RUNX1: variants seen among roughly 807,000 people sequenced by gnomAD.
The protein encoded by RUNX1 is RUNX family transcription factor 1.
In RUNX1, 19 loss-of-function variants were observed where a neutral mutation model predicts 42.8. That is an observed-to-expected ratio of 0.44 (90% CI 0.31 to 0.65). The LOEUF is 0.65. Among genes scored for constraint, RUNX1 ranks in the 30% least tolerant of loss-of-function variants. The pLI is 0.07. For synonymous variants in RUNX1, 271 were observed against 289.4 expected (o/e 0.94, Z 0.64); for missense variants, 528 against 672.0 (o/e 0.79, Z 2.37).
intron 2 of RUNX1, among the ~76,000 whole-genome samples, chr21:34,980,900 G>T (rs990824027): frequency 1.3e-5 from 2 of 152,198 alleles, no homozygotes; most frequent in Admixed American, 6.5e-5. Flanking sequence ...TTTCAGCTGT[G>T]CCCAGAAATA....
chr21:34,858,153 T>G (rs1217991152), intron 6 of RUNX1, among the ~76,000 whole-genome samples: 3 of 152,200 alleles, frequency 2.0e-5, no homozygotes, highest in Admixed American at 6.5e-5. Context: ...TTTGGGAAAG[T>G]TGATGCAGCT....
Position 34,790,440 on chromosome 21 carries a change from T to C in RUNX1, c.*1695A>G, listed in dbSNP as rs1047885165. On this transcript the variant is annotated 3_prime_UTR_variant, in exon 9 of 9. Transcript: ENST00000675419. Reference sequence around the variant, plus strand: ...GTACGTTAAATAACCACCAGATCATTTGGAGCACACATGTGTCAAAATCAG... The same window carrying C: ...GTACGTTAAATAACCACCAGATCATCTGGAGCACACATGTGTCAAAATCAG... 4.3e-6 allele frequency: 1 copy of C among 233,752 alleles called. No individual in the cohort carries two copies. 14.5% of individuals were successfully genotyped at this position (233,752 alleles called of 1,614,324 possible).
chr21:35,021,493 C>T (rs974128815), intron 2 of RUNX1, among the ~76,000 whole-genome samples: 2 of 152,322 alleles, frequency 1.3e-5, no homozygotes, highest in Admixed American at 6.5e-5. Context: ...GAGCACTATG[C>T]GTGTGCACAT....
chr21:34,990,175 C>A (rs1737714005), intron 2 of RUNX1, among the ~76,000 whole-genome samples: 1 of 152,212 alleles, frequency 6.6e-6, no homozygotes, highest in Admixed American at 6.5e-5. Flanking sequence ...CATTCAGAGA[C>A]CCCTGACCAC....
chr21:34,855,399 A>T (rs962385180), intron 6 of RUNX1, among the ~76,000 whole-genome samples: 2 of 152,156 alleles, frequency 1.3e-5, no homozygotes, highest in African/African-American at 4.8e-5. Flanking sequence ...GAAATATAAA[A>T]CATACATTAA....
chr21:35,007,483 C>T (rs775987813), intron 2 of RUNX1, among the ~76,000 whole-genome samples: 1 of 152,196 alleles, frequency 6.6e-6, no homozygotes, highest in Non-Finnish European at 1.5e-5. Context: ...GGTGACCCGC[C>T]GTCCTTTGGA....
chr21:34,979,124 G>T (rs2058826947), intron 2 of RUNX1, among the ~76,000 whole-genome samples: 1 of 152,164 alleles, frequency 6.6e-6, no homozygotes, highest in Non-Finnish European at 1.5e-5. Context: ...AGCTGACTGG[G>T]AACTGTCAAG....
intron 6 of RUNX1, among the ~76,000 whole-genome samples, chr21:34,852,039 A>G (rs1023032529): frequency 6.6e-6 from 1 of 152,096 alleles, no homozygotes; most frequent in East Asian, 1.9e-4. Flanking sequence ...GTGGTGGCAC[A>G]CACCTGTAGT....
At chr21:34,873,492 C>T (rs903921240) in intron 5 of RUNX1, among the ~76,000 whole-genome samples, 17 of 152,256 alleles carry the variant, frequency 1.1e-4, no homozygotes, top group Admixed American at 1.3e-4. Context: ...AATGTACTTA[C>T]ATCTTCTTTG....
chr21:34,826,434 C>CTTT lies in RUNX1; in HGVS notation c.805+7973_805+7975dup, dbSNP rs772880673. Among the ~76,000 whole-genome samples the CTTT allele has an allele frequency of 2.8e-3, 300 of 105,304 alleles. 3 individuals carry two copies. The highest frequency in any genetic ancestry group is 3.9e-3 in the Non-Finnish European group (215 of 55,156). The allele number at this position is 105,304 out of a possible 152,430, so 69.1% of individuals were successfully genotyped here. A position where few individuals can be genotyped will look rare whatever the true frequency, so the allele number is the denominator to read the frequency against. On this transcript the variant is annotated intron_variant, in intron 7 of 8. Coordinates refer to ENST00000675419, the MANE Select transcript of RUNX1 (RefSeq NM_001754.5). The stretch of plus-strand genomic sequence containing the variant: ...TAAATTTCTTTTGTTTTCTTTCTTT[C>CTTT]TTTTTTTTTTTTTTTTTTTTTGAGA...
intron 2 of RUNX1, chr21:35,038,811 G>A (rs1349218693): frequency 2.2e-6 from 1 of 450,980 alleles, no homozygotes; most frequent in African/African-American, 2.0e-5. Context: ...TTCCAGAGCT[G>A]AAGCCTGGCA....
chr21:34,896,372 GAATAAGT>G (rs2058130080), intron 2 of RUNX1, among the ~76,000 whole-genome samples: 1 of 152,058 alleles, frequency 6.6e-6, no homozygotes, highest in Non-Finnish European at 1.5e-5. Flanking sequence ...AAAGAGGAGA[GAATAAGT>G]AATAAGAGTA....
At chr21:34,902,148 T>A (rs1276195817) in intron 2 of RUNX1, among the ~76,000 whole-genome samples, 1 of 152,178 alleles carries the variant, frequency 6.6e-6, no homozygotes, top group East Asian at 1.9e-4. Flanking sequence ...ACAGAATCAT[T>A]TATTTGGATT....
At chr21:35,036,731 A>G (rs1453709385) in intron 2 of RUNX1, among the ~76,000 whole-genome samples, 3 of 152,216 alleles carry the variant, frequency 2.0e-5, no homozygotes, top group African/African-American at 7.2e-5. Context: ...TTGTTATGCC[A>G]CTGACACTTA....
intron 2 of RUNX1, among the ~76,000 whole-genome samples, chr21:34,945,538 A>T (rs1364479101): frequency 2.6e-5 from 4 of 152,124 alleles, no homozygotes; most frequent in Non-Finnish European, 5.9e-5. Context: ...CTCTCCTGAA[A>T]TTGCTTTCTC....
intron 2 of RUNX1, among the ~76,000 whole-genome samples, chr21:34,938,229 G>A (rs1184332016): frequency 6.6e-6 from 1 of 152,084 alleles, no homozygotes; most frequent in Admixed American, 6.6e-5. Flanking sequence ...TATCTTCCCA[G>A]GAGAAGTAAA....
At chr21:34,846,385 T>C (rs1331182849) in intron 6 of RUNX1, among the ~76,000 whole-genome samples, 2 of 151,676 alleles carry the variant, frequency 1.3e-5, no homozygotes, top group Non-Finnish European at 2.9e-5. Context: ...ACAATCTTTG[T>C]CTTCCCAGTT....
At chr21:34,895,640 T>C (rs138906413) in intron 2 of RUNX1, among the ~76,000 whole-genome samples, 2,208 of 151,890 alleles carry the variant, frequency 0.015, 29 homozygotes, top group Middle Eastern at 0.099. Context: ...GCATCATGAA[T>C]AAGGGCGTGA....
intron 7 of RUNX1, chr21:34,833,979 T>C (rs2057102009): frequency 2.9e-6 from 1 of 340,482 alleles, no homozygotes; most frequent in South Asian, 2.5e-5. Context: ...AATCTGGCAA[T>C]AGCGAGAACT....
Sources: gnomAD v4.1 joint callset for allele counts (sites outside exome capture counted in the v4.1 genomes callset) on GRCh38, gnomAD v4.1.1 for gene constraint, MANE v1.5 for transcripts, NCBI Gene and HGNC (gene_info 2026-07-23, HGNC 2026-07-21) for gene names.